SGCZ: variants seen among roughly 807,000 people sequenced by gnomAD.
The protein encoded by SGCZ is sarcoglycan zeta.
Under a neutral mutation model 41.3 loss-of-function variants are expected in SGCZ, and 40 were observed. The observed-to-expected ratio is 0.97, with a 90% CI of 0.75 to 1.26. The LOEUF (loss-of-function observed/expected upper bound fraction) is 1.26, where lower values mean the gene tolerates loss of function less well. Ranked by LOEUF, SGCZ falls within the 50% of genes most tolerant of loss-of-function variation. SGCZ has a pLI of 0.00. For synonymous variants in SGCZ, 206 were observed against 137.5 expected, an observed-to-expected ratio of 1.50 and a Z score of -3.49; for missense variants, 552 against 369.8, an observed-to-expected ratio of 1.49 and a Z score of -4.04.
intron 3 of SGCZ, among the ~76,000 whole-genome samples, chr8:14,238,651 C>T (rs6993798): frequency 0.28 from 42,845 of 151,926 alleles, 6,482 homozygotes; most frequent in Non-Finnish European, 0.35. Context: ...CTCATTTTAA[C>T]GCTCTAAAAC....
intron 1 of SGCZ, among the ~76,000 whole-genome samples, chr8:14,601,386 G>A (rs781633976): frequency 6.6e-6 from 1 of 151,982 alleles, no homozygotes; most frequent in African/African-American, 2.4e-5. Context: ...TAGGTGAAAG[G>A]GTAGGTTTAA....
At chr8:14,413,107 T>C (rs908209510) in intron 2 of SGCZ, among the ~76,000 whole-genome samples, 1 of 152,026 alleles carries the variant, frequency 6.6e-6, no homozygotes, top group East Asian at 1.9e-4. Context: ...CAAGTTCGCA[T>C]CATTAAGTTT....
intron 1 of SGCZ, among the ~76,000 whole-genome samples, chr8:15,164,628 G>C (rs892514572): frequency 8.2e-5 from 11 of 134,480 alleles, no homozygotes; most frequent in African/African-American, 3.1e-4. Flanking sequence ...CAGCAGTTAA[G>C]TTTTAAGCAA....
rs6991948 is a variant in SGCZ, at chr8:15,089,095, C to T, written c.39+148490G>A. On this transcript the variant is annotated intron_variant, in intron 1 of 7. Transcript: ENST00000382080. ...GATCTCCAACTTACTGAAAGTCTAA[C>T]GTTAAAATGTTGGTTTATGGCCATA... Among the ~76,000 whole-genome samples the T allele has an allele frequency of 3.0e-3, 457 of 152,112 alleles. 2 individuals are homozygous for T. Among genetic ancestry groups the T allele is most frequent in the Non-Finnish European group, 4.1e-3 (281 of 67,980 alleles).
intron 1 of SGCZ, among the ~76,000 whole-genome samples, chr8:15,096,887 G>A (rs191092393): frequency 2.6e-5 from 4 of 151,954 alleles, no homozygotes; most frequent in African/African-American, 4.8e-5. Flanking sequence ...GGGTTTCACC[G>A]TGTTAGCCAG....
At chr8:14,140,137 A>T (rs1803322068) in intron 5 of SGCZ, among the ~76,000 whole-genome samples, 1 of 152,216 alleles carries the variant, frequency 6.6e-6, no homozygotes, top group Non-Finnish European at 1.5e-5. Flanking sequence ...CATGCTAAAA[A>T]CTGTCAATAA....
At chr8:14,235,342 T>C (rs1806717924) in intron 4 of SGCZ, among the ~76,000 whole-genome samples, 2 of 152,230 alleles carry the variant, frequency 1.3e-5, no homozygotes, top group South Asian at 4.1e-4. Context: ...AGTTTTTAAG[T>C]GTAAGCCTCA....
chr8:14,600,637 G>T (rs1041033586), intron 1 of SGCZ, among the ~76,000 whole-genome samples: 2 of 152,120 alleles, frequency 1.3e-5, no homozygotes, highest in African/African-American at 4.8e-5. Flanking sequence ...AGGAATAAAT[G>T]CATTTGCTGA....
chr8:14,180,984 A>G (rs1294811762), intron 4 of SGCZ, among the ~76,000 whole-genome samples: 1 of 152,070 alleles, frequency 6.6e-6, no homozygotes, highest in African/African-American at 2.4e-5. Context: ...GGCAGCACCA[A>G]TACCTGTAGA....
chr8:14,293,336 T>C (rs1800903846), intron 3 of SGCZ, among the ~76,000 whole-genome samples: 1 of 151,980 alleles, frequency 6.6e-6, no homozygotes, highest in African/African-American at 2.4e-5. Flanking sequence ...TTCATCTGCA[T>C]ATAAAAGTAG....
At chr8:15,082,886 C>A (rs914335737) in intron 1 of SGCZ, among the ~76,000 whole-genome samples, 2 of 152,074 alleles carry the variant, frequency 1.3e-5, no homozygotes, top group Non-Finnish European at 2.9e-5. Context: ...AGACTGTTTA[C>A]GTACAAAAGG....
At chr8:14,664,113 T>C (rs917425914) in intron 1 of SGCZ, among the ~76,000 whole-genome samples, 3 of 152,144 alleles carry the variant, frequency 2.0e-5, no homozygotes, top group Non-Finnish European at 4.4e-5. Context: ...GACTAAATGG[T>C]TCCAAGTTAG....
intron 1 of SGCZ, among the ~76,000 whole-genome samples, chr8:14,778,408 T>C (rs1184780908): frequency 1.6e-4 from 24 of 152,166 alleles, no homozygotes; most frequent in Admixed American, 1.6e-3. Flanking sequence ...CATGAATTTG[T>C]AAATGAACTT....
intron 2 of SGCZ, among the ~76,000 whole-genome samples, chr8:14,360,678 GA>G (rs1174794712): frequency 1.3e-5 from 2 of 151,972 alleles, no homozygotes; most frequent in Non-Finnish European, 2.9e-5. Flanking sequence ...CCATGGTATG[GA>G]TGTTAAAAAG....
intron 1 of SGCZ, among the ~76,000 whole-genome samples, chr8:14,565,271 G>A (rs1005790746): frequency 1.3e-5 from 2 of 151,704 alleles, no homozygotes; most frequent in African/African-American, 4.8e-5. Flanking sequence ...GTTTTATGTG[G>A]GAAATAGTTA....
At chr8:14,909,638 T>C (rs949619381) in intron 1 of SGCZ, among the ~76,000 whole-genome samples, 2 of 152,132 alleles carry the variant, frequency 1.3e-5, no homozygotes, top group East Asian at 3.8e-4. Context: ...GTAAATAATA[T>C]GTCAAATTTT....
At chr8:15,225,592 C>G (rs895344240) in intron 1 of SGCZ, among the ~76,000 whole-genome samples, 1 of 152,128 alleles carries the variant, frequency 6.6e-6, no homozygotes, top group African/African-American at 2.4e-5. Flanking sequence ...AGCTCTGTAT[C>G]ATGGTATATT....
intron 1 of SGCZ, among the ~76,000 whole-genome samples, chr8:14,872,100 T>C (rs1804178394): frequency 1.3e-5 from 2 of 151,736 alleles, no homozygotes; most frequent in African/African-American, 4.8e-5. Flanking sequence ...TTCTCACTAA[T>C]AAGTGGGAGT....
At chr8:15,024,746 C>T (rs748217510) in intron 1 of SGCZ, among the ~76,000 whole-genome samples, 1 of 151,942 alleles carries the variant, frequency 6.6e-6, no homozygotes, top group Non-Finnish European at 1.5e-5. Flanking sequence ...ACTGTCCTGG[C>T]TAACATGGTG....
Sources: allele counts gnomAD v4.1 joint callset (sites outside exome capture counted in the v4.1 genomes callset), GRCh38; gene constraint gnomAD v4.1.1; transcripts MANE v1.5; gene names NCBI Gene and HGNC (gene_info 2026-07-23, HGNC 2026-07-21).